CNTN4: variants seen among roughly 807,000 people sequenced by gnomAD.
The protein encoded by CNTN4 is contactin 4.
In CNTN4, 77 loss-of-function variants were observed where a neutral mutation model predicts 122.5. That is an observed-to-expected ratio of 0.63 (90% CI 0.52 to 0.76). The LOEUF (loss-of-function observed/expected upper bound fraction) is 0.76, where lower values mean the gene tolerates loss of function less well. Among genes scored for constraint, CNTN4 ranks in the 30% least tolerant of loss-of-function variants. CNTN4 has a pLI of 0.00. For missense variants in CNTN4, 1,256 were observed against 1,259.1 expected (o/e 1.00, Z 0.04); for synonymous variants, 512 against 447.0 (o/e 1.15, Z -1.83).
At chr3:2,646,644 A>G (rs984280782) in intron 4 of CNTN4, among the ~76,000 whole-genome samples, 9 of 152,190 alleles carry the variant, frequency 5.9e-5, no homozygotes, top group African/African-American at 2.2e-4. Flanking sequence ...ACCTTAACAA[A>G]GTACCACTGA....
intron 4 of CNTN4, among the ~76,000 whole-genome samples, chr3:2,692,951 G>T: frequency 6.6e-6 from 1 of 151,658 alleles, no homozygotes; most frequent in Non-Finnish European, 1.5e-5. Context: ...TATTTTCTTA[G>T]GAAAATTCTC....
intron 2 of CNTN4, among the ~76,000 whole-genome samples, chr3:2,211,265 A>T (rs2038603805): frequency 6.6e-6 from 1 of 152,140 alleles, no homozygotes; most frequent in Admixed American, 6.5e-5. Flanking sequence ...CAAAGACAAC[A>T]GCAAGCCATG....
At chr3:2,564,455 A>C (rs1451327070) in intron 3 of CNTN4, among the ~76,000 whole-genome samples, 1 of 152,170 alleles carries the variant, frequency 6.6e-6, no homozygotes, top group Non-Finnish European at 1.5e-5. Flanking sequence ...ACAAGCCTCA[A>C]ATGGCTCTAG....
intron 4 of CNTN4, among the ~76,000 whole-genome samples, chr3:2,673,921 GC>G (rs2084684573): frequency 1.3e-5 from 2 of 152,104 alleles, no homozygotes; most frequent in Non-Finnish European, 2.9e-5. Context: ...ATGGCAGGAG[GC>G]CAGTCTTGCC....
intron 6 of CNTN4, among the ~76,000 whole-genome samples, chr3:2,793,793 A>G (rs2092086399): frequency 6.6e-6 from 1 of 152,186 alleles, no homozygotes; most frequent in Admixed American, 6.5e-5. Flanking sequence ...ACTACAGAAT[A>G]AGGAGAAGAA....
At chr3:2,700,070 G>T (rs1013699198) in intron 4 of CNTN4, among the ~76,000 whole-genome samples, 1 of 152,034 alleles carries the variant, frequency 6.6e-6, no homozygotes, top group Non-Finnish European at 1.5e-5. Flanking sequence ...TTCACGAAGT[G>T]CATGCACTAC....
At chr3:2,404,971 G>C (rs1159134049) in intron 3 of CNTN4, among the ~76,000 whole-genome samples, 2 of 152,172 alleles carry the variant, frequency 1.3e-5, no homozygotes, top group Non-Finnish European at 2.9e-5. Flanking sequence ...GGTTTTATCA[G>C]ATACACAGGG....
rs561009032 is a variant in CNTN4 at position 2,951,424 on chromosome 3, G to A, written c.1358+25645G>A. On this transcript the variant is annotated intron_variant, in intron 13 of 24. Transcript: ENST00000418658. ...TGCTGCTGCTCATCTGACAGAAGGC[G>A]GAGCACAGACTGTGATGCTTGCTCA... Among the ~76,000 whole-genome samples, 84 of 152,296 alleles carry A rather than the reference G, an allele frequency of 5.5e-4. 1 individual carries two copies. The highest frequency in any genetic ancestry group is 6.8e-3 in the Middle Eastern group (2 of 294).
intron 4 of CNTN4, among the ~76,000 whole-genome samples, chr3:2,621,113 C>G (rs945463173): frequency 6.6e-6 from 1 of 152,000 alleles, no homozygotes; most frequent in African/African-American, 2.4e-5. Context: ...CTGCAAAAAT[C>G]TTGGCATGTT....
intron 4 of CNTN4, among the ~76,000 whole-genome samples, chr3:2,652,142 A>T (rs1030331606): frequency 6.6e-6 from 1 of 151,890 alleles, no homozygotes; most frequent in African/African-American, 2.4e-5. Flanking sequence ...GGATTGCTTG[A>T]GCTCACAAGG....
intron 4 of CNTN4, among the ~76,000 whole-genome samples, chr3:2,707,496 A>G (rs1405956792): frequency 6.6e-6 from 1 of 152,206 alleles, no homozygotes; most frequent in Admixed American, 6.5e-5. Flanking sequence ...TAGCAGAGCC[A>G]GGTGTACATC....
chr3:3,030,753 G>A, intron 15 of CNTN4, 102 bp from the exon 16 acceptor site: 2 of 1,345,346 alleles, frequency 1.5e-6, no homozygotes, highest in Non-Finnish European at 2.1e-6. Flanking sequence ...GCTTTCATCA[G>A]CCAGTGTAAA....
At chr3:3,040,464 T>C in intron 20 of CNTN4, 193 bp downstream of exon 20, 1 of 618,600 alleles carries the variant, frequency 1.6e-6, no homozygotes, top group Non-Finnish European at 2.9e-6. Flanking sequence ...CTGCTCTGTA[T>C]ATGAAAACAC....
chr3:2,418,349 GATT>G (rs1171228009), intron 3 of CNTN4, among the ~76,000 whole-genome samples: 4 of 152,110 alleles, frequency 2.6e-5, no homozygotes, highest in African/African-American at 9.7e-5. Flanking sequence ...CAAAATGTGA[GATT>G]AGAACAACCT....
intron 3 of CNTN4, among the ~76,000 whole-genome samples, chr3:2,340,023 G>A (rs945750216): frequency 5.3e-5 from 8 of 152,108 alleles, no homozygotes; most frequent in Admixed American, 3.9e-4. Context: ...TCCCCTATGT[G>A]TGTCCAAATA....
chr3:2,403,048 G>A (rs996753851), intron 3 of CNTN4, among the ~76,000 whole-genome samples: 1 of 152,084 alleles, frequency 6.6e-6, no homozygotes, highest in African/African-American at 2.4e-5. Context: ...AGGTCTGTGA[G>A]AATCTGTCCC....
chr3:3,042,437 T>A lies in CNTN4; in HGVS notation c.2511+15T>A. The A allele has an allele frequency of 2.0e-6, 3 of 1,523,078 alleles. No individual in the cohort carries two copies. Among genetic ancestry groups the A allele is most frequent in the Non-Finnish European group, 2.7e-6 (3 of 1,096,680 alleles). 94.3% of individuals were successfully genotyped at this position (1,523,078 alleles called of 1,614,324 possible). On this transcript the variant is annotated intron_variant, in intron 21 of 24. Coordinates refer to ENST00000418658, the MANE Select transcript of CNTN4 (RefSeq NM_175607.3). ...AAGGTTATGAGGTAGGCAAGACATA[T>A]GTGCCTTGGGTCTGAAAGAGAGTCT...
chr3:2,894,623 G>T (rs998534312), intron 10 of CNTN4, among the ~76,000 whole-genome samples: 1 of 152,170 alleles, frequency 6.6e-6, no homozygotes, highest in African/African-American at 2.4e-5. Flanking sequence ...AACTCAAGGT[G>T]TATAAGGGAA....
intron 4 of CNTN4, among the ~76,000 whole-genome samples, chr3:2,685,409 A>G (rs2085381704): frequency 6.6e-6 from 1 of 152,188 alleles, no homozygotes; most frequent in South Asian, 2.1e-4. Context: ...AGGGAGCAGT[A>G]TAATTCTTTA....
Sources: allele counts gnomAD v4.1 joint callset (sites outside exome capture counted in the v4.1 genomes callset), GRCh38; gene constraint gnomAD v4.1.1; transcripts MANE v1.5; gene names NCBI Gene and HGNC (gene_info 2026-07-23, HGNC 2026-07-21).